MS4A13: variants seen among roughly 807,000 people sequenced by gnomAD.
The protein encoded by MS4A13 is membrane spanning 4-domains A13.
In MS4A13, 21 loss-of-function variants were observed where a neutral mutation model predicts 18.4. The observed-to-expected ratio is 1.14, with a 90% confidence interval of 0.81 to 1.64. The LOEUF is 1.64. MS4A13 is among the 40% of genes most tolerant of loss of function. MS4A13 has a pLI of 0.00. For synonymous variants in MS4A13, 62 were observed against 57.2 expected (o/e 1.08, Z -0.38); for missense variants, 173 against 176.8 (o/e 0.98, Z 0.12).
chr11:60,530,109 TC>T (rs1267443006), intron 6 of MS4A13, among the ~76,000 whole-genome samples: 1 of 152,236 alleles, frequency 6.6e-6, no homozygotes, highest in African/African-American at 2.4e-5. Flanking sequence ...GATTATTTTC[TC>T]ACAAGCTTAA....
intron 6 of MS4A13, among the ~76,000 whole-genome samples, chr11:60,530,261 G>T (rs927908032): frequency 6.6e-6 from 1 of 152,164 alleles, no homozygotes; most frequent in Non-Finnish European, 1.5e-5. Context: ...GCATTCCACT[G>T]GGGGAGAAAG....
rs529836912 is a variant in MS4A13 at position 60,524,080 on chromosome 11, T to G, written c.186+127T>G. ...CTACCTGTAAAGTAAATGAAAGAAT[T>G]AAGAATGAATCTAGAAGAACATAAT... On this transcript the variant is annotated intron_variant, in intron 4 of 6. Transcript: ENST00000378186. 9 of 580,718 alleles carry G rather than the reference T, an allele frequency of 1.5e-5. No individual in the cohort carries two copies. In the East Asian group the frequency reaches 2.3e-4, roughly 15 times the overall value. 36.0% of individuals were successfully genotyped at this position (580,718 alleles called of 1,614,324 possible). A position where few individuals can be genotyped will look rare whatever the true frequency, so the allele number is the denominator to read the frequency against.
chr11:60,521,696 A>C (rs1160614709), intron 3 of MS4A13, among the ~76,000 whole-genome samples: 13 of 152,086 alleles, frequency 8.5e-5, no homozygotes, highest in Non-Finnish European at 1.9e-4. Context: ...ACTTTCCCAC[A>C]TTTTCCTGTC....
chr11:60,539,825 A>G (rs1402280254), intron 6 of MS4A13, among the ~76,000 whole-genome samples: 1 of 152,232 alleles, frequency 6.6e-6, no homozygotes, highest in Non-Finnish European at 1.5e-5. Context: ...TGCAGGGGGA[A>G]AAACAGTCAG....
intron 4 of MS4A13, among the ~76,000 whole-genome samples, chr11:60,524,542 C>A (rs2086699496): frequency 6.6e-6 from 1 of 152,086 alleles, no homozygotes; most frequent in South Asian, 2.1e-4. Flanking sequence ...TCAACTGACT[C>A]CTATTTCTAC....
At position 60,525,334 on chromosome 11, in the gene MS4A13, A is replaced by T. The variant is rs1313491398; in HGVS notation, c.306+8A>T. ...AGGAATTATGGACAAGCAGTAAGTG[A>T]CCAATTCTATGGGAACATATTAATT... On this transcript the variant is annotated splice_region_variant and intron_variant, in intron 5 of 6. Transcript: ENST00000378186. The T allele has an allele frequency of 1.9e-6, 3 of 1,558,642 alleles. No individual in the cohort carries two copies. The highest frequency in any genetic ancestry group is 2.6e-6 in the Non-Finnish European group (3 of 1,147,878).
At position 60,538,013 on chromosome 11, in the gene MS4A13, T is replaced by G. The variant is rs1342607634; in HGVS notation, c.403-4506T>G. ...GGACACAGGAAGGGGAATATCACAC[T>G]CTGGGGACTGTGGTGGGGTCGGGGG... is the stretch of plus-strand genomic sequence containing the variant. On this transcript the variant is annotated intron_variant, in intron 6 of 6. Coordinates refer to ENST00000378186, the MANE Select transcript of MS4A13 (RefSeq NM_001012417.3). Among the ~76,000 whole-genome samples, 6 of 111,352 alleles carry G rather than the reference T, an allele frequency of 5.4e-5. No individual in the cohort carries two copies. In the East Asian group the frequency reaches 1.7e-3, roughly 31 times the overall value. 73.1% of individuals were successfully genotyped at this position (111,352 alleles called of 152,430 possible).
intron 3 of MS4A13, among the ~76,000 whole-genome samples, chr11:60,522,234 A>ATATATATCTATATC (rs1402742805): frequency 9.2e-6 from 1 of 108,694 alleles, no homozygotes; most frequent in African/African-American, 4.4e-5. Context: ...ATAGATAGAT[A>ATATATATCTATATC]GATAGATGTA....
chr11:60,540,036 G>A (rs556451414), intron 6 of MS4A13, among the ~76,000 whole-genome samples: 195 of 152,316 alleles, frequency 1.3e-3, no homozygotes, highest in African/African-American at 4.5e-3. Context: ...TATGTAGGTG[G>A]TTATGAAAAT....
At chr11:60,542,098 GAA>G (rs1170989724) in intron 6 of MS4A13, among the ~76,000 whole-genome samples, 1 of 127,364 alleles carries the variant, frequency 7.9e-6, no homozygotes, top group African/African-American at 3.0e-5. Context: ...ACATGACCTT[GAA>G]AACAGAACAA....
chr11:60,529,246 T>G, intron 5 of MS4A13, 119 bp from the exon 6 acceptor site: 38 of 473,608 alleles, frequency 8.0e-5, no homozygotes, highest in Middle Eastern at 5.9e-4. Context: ...TCTGTTCTTA[T>G]TTTCCTTCCT....
chr11:60,538,286 G>A (rs994243306), intron 6 of MS4A13, among the ~76,000 whole-genome samples: 2 of 151,716 alleles, frequency 1.3e-5, no homozygotes, highest in South Asian at 4.2e-4. Context: ...GAGGCAAAAA[G>A]GTGTTGATCA....
At chr11:60,541,891 G>C (rs747090100) in intron 6 of MS4A13, among the ~76,000 whole-genome samples, 1 of 151,994 alleles carries the variant, frequency 6.6e-6, no homozygotes, top group African/African-American at 2.4e-5. Context: ...TTGAGGCCAG[G>C]AGTTCAAGAT....
Position 60,527,362 on chromosome 11 carries a change from G to GTCTCTCTCTC in MS4A13, c.307-1963_307-1954dup, listed in dbSNP as rs1313348420. Among the ~76,000 whole-genome samples, 9 of 62,582 alleles carry GTCTCTCTCTC rather than the reference G, an allele frequency of 1.4e-4. 1 individual carries two copies. Among genetic ancestry groups the GTCTCTCTCTC allele is most frequent in the African/African-American group, 5.8e-4 (8 of 13,800 alleles). The allele number at this position is 62,582 out of a possible 152,430, so 41.1% of individuals were successfully genotyped here. ...CATCTGCCAGGAACTCATTCATTCC[G>GTCTCTCTCTC]TCTCTCTCTCTCTCTCTCTCTCTCT... On this transcript the variant is annotated intron_variant, in intron 5 of 6. Coordinates refer to ENST00000378186, the MANE Select transcript of MS4A13 (RefSeq NM_001012417.3).
At chr11:60,516,403 A>C (rs2086637827) in intron 2 of MS4A13, among the ~76,000 whole-genome samples, 1 of 152,208 alleles carries the variant, frequency 6.6e-6, no homozygotes, top group Non-Finnish European at 1.5e-5. Flanking sequence ...TTAAGTTATA[A>C]ACATGTGAAG....
intron 5 of MS4A13, among the ~76,000 whole-genome samples, chr11:60,527,361 CGTCTCTCTCTCTCTCTCT>C (rs1471011489): frequency 3.1e-4 from 24 of 77,056 alleles, no homozygotes; most frequent in South Asian, 6.2e-4. Flanking sequence ...TCATTCATTC[CGTCTCTCTCTCTCTCTCT>C]CTCTCTCTCT....
Position 60,541,401 on chromosome 11 carries a change from G to A in MS4A13, c.403-1118G>A, listed in dbSNP as rs574285380. Among the ~76,000 whole-genome samples, 59 of 152,146 alleles carry A rather than the reference G, an allele frequency of 3.9e-4. 1 individual carries two copies. Among genetic ancestry groups the A allele is most frequent in the Admixed American group, 3.1e-3 (47 of 15,284 alleles). ...GGGTGAGTGATGAATAAGTTGAGGT[G>A]TATTACTTCATTCAAATTTGACATG... On this transcript the variant is annotated intron_variant, in intron 6 of 6. Coordinates refer to ENST00000378186, the MANE Select transcript of MS4A13 (RefSeq NM_001012417.3).
chr11:60,527,410 CTGTGTG>C (rs1224398821), intron 5 of MS4A13, among the ~76,000 whole-genome samples: 2 of 28,788 alleles, frequency 6.9e-5, no homozygotes, highest in Non-Finnish European at 1.1e-4. Flanking sequence ...CTCTCTCTCT[CTGTGTG>C]TGTGTGTGTG....
chr11:60,516,981 C>A, intron 2 of MS4A13, among the ~76,000 whole-genome samples: 1 of 151,184 alleles, frequency 6.6e-6, no homozygotes, highest in East Asian at 1.9e-4. Flanking sequence ...TTCTGGGCAC[C>A]ATATTAGAGG....
Sources: allele counts gnomAD v4.1 joint callset (sites outside exome capture counted in the v4.1 genomes callset), GRCh38; gene constraint gnomAD v4.1.1; transcripts MANE v1.5; gene names NCBI Gene and HGNC (gene_info 2026-07-23, HGNC 2026-07-21).